The following DIXDC1 variants were observed in gnomAD, a reference collection of about 807,000 sequenced individuals.
DIXDC1 encodes dixin.
In DIXDC1, 64 loss-of-function variants were observed where a neutral mutation model predicts 103.1. The observed-to-expected ratio is 0.62, with a 90% CI of 0.51 to 0.76. The LOEUF (loss-of-function observed/expected upper bound fraction) is 0.76, where lower values mean the gene tolerates loss of function less well. Ranked by LOEUF, DIXDC1 falls within the 30% of genes least tolerant of loss-of-function variation. The pLI is 0.00. For synonymous variants in DIXDC1, 266 were observed against 298.5 expected (o/e 0.89, Z 1.12); for missense variants, 759 against 834.2 (o/e 0.91, Z 1.11).
intron 17 of DIXDC1, among the ~76,000 whole-genome samples, chr11:112,005,550 T>G (rs1861208645): frequency 6.6e-6 from 1 of 151,876 alleles, no homozygotes; most frequent in African/African-American, 2.4e-5. Context: ...TAAAAAAAAT[T>G]AGCCAGGTGT....
At chr11:111,960,573 G>T (rs1345363982) in intron 1 of DIXDC1, among the ~76,000 whole-genome samples, 1 of 145,072 alleles carries the variant, frequency 6.9e-6, no homozygotes, top group African/African-American at 2.6e-5. Flanking sequence ...CAGCCTGGGA[G>T]ACAAGAGTGA....
At chr11:111,990,164 T>C (rs923367045) in intron 10 of DIXDC1, among the ~76,000 whole-genome samples, 9 of 138,958 alleles carry the variant, frequency 6.5e-5, no homozygotes, top group Admixed American at 2.9e-4. Flanking sequence ...GATCTTGGCT[T>C]ACTGCAATCT....
At chr11:112,007,670 A>C (rs782548297) in intron 17 of DIXDC1, among the ~76,000 whole-genome samples, 1 of 152,206 alleles carries the variant, frequency 6.6e-6, no homozygotes, top group Non-Finnish European at 1.5e-5. Flanking sequence ...CTTAAAGAAA[A>C]GAGTTTTCAA....
At chr11:111,988,933 C>T (rs782733864) in intron 9 of DIXDC1, 72 bp from the exon 10 acceptor site, 23 of 1,342,630 alleles carry the variant, frequency 1.7e-5, no homozygotes, top group East Asian at 7.2e-5. Flanking sequence ...GTCCTCTTGC[C>T]GACAGAATGA....
At chr11:112,006,366 G>A (rs1861238513) in intron 17 of DIXDC1, among the ~76,000 whole-genome samples, 1 of 152,234 alleles carries the variant, frequency 6.6e-6, no homozygotes, top group Non-Finnish European at 1.5e-5. Context: ...GGGCATAGCT[G>A]AACAAAAGGC....
At position 111,977,585 on chromosome 11, in the gene DIXDC1, G is replaced by A. The variant is rs1860153751; in HGVS notation, c.656+2602G>A. On this transcript the variant is annotated intron_variant, in intron 5 of 19. Coordinates refer to ENST00000440460, the MANE Select transcript of DIXDC1 (RefSeq NM_001037954.4). The surrounding 1 kb of genome is among the most constrained non-coding windows in gnomAD (Gnocchi z 6.1). ...TCCCAGTCGCTGGGGCCGAGACGCC[G>A]CCGCCGCCGCCGTTCCCGCTTTCTC... 1 of 1,501,006 alleles carries A rather than the reference G, an allele frequency of 6.7e-7. No individual in the cohort carries two copies. Among genetic ancestry groups the A allele is most frequent in the Non-Finnish European group, 8.9e-7 (1 of 1,123,912 alleles). The allele number at this position is 1,501,006 out of a possible 1,614,324, so 93.0% of individuals were successfully genotyped here.
intron 17 of DIXDC1, among the ~76,000 whole-genome samples, chr11:111,996,525 G>T (rs1860905405): frequency 6.6e-6 from 1 of 152,158 alleles, no homozygotes; most frequent in African/African-American, 2.4e-5. Context: ...TTGAAGCAAG[G>T]CGTTTAATTT....
At chr11:111,951,312 A>G (rs1418780513) in intron 1 of DIXDC1, among the ~76,000 whole-genome samples, 1 of 152,208 alleles carries the variant, frequency 6.6e-6, no homozygotes, top group Non-Finnish European at 1.5e-5. Flanking sequence ...TCTCATGGGT[A>G]ATTCTACTAA....
intron 1 of DIXDC1, among the ~76,000 whole-genome samples, chr11:111,951,418 T>TTTTG (rs1555169968): frequency 2.6e-5 from 4 of 152,246 alleles, no homozygotes; most frequent in African/African-American, 9.6e-5. Context: ...ACTGTATACC[T>TTTTG]ATAAAAATCA....
intron 1 of DIXDC1, among the ~76,000 whole-genome samples, chr11:111,938,448 T>C (rs1352902104): frequency 2.0e-5 from 3 of 152,200 alleles, no homozygotes; most frequent in Non-Finnish European, 4.4e-5. Context: ...CTCCTTTTCC[T>C]TCCATCTCTC....
At chr11:111,978,889 A>T (rs781914622) in intron 5 of DIXDC1, among the ~76,000 whole-genome samples, 1 of 152,222 alleles carries the variant, frequency 6.6e-6, no homozygotes, top group African/African-American at 2.4e-5. Flanking sequence ...GCACAAATCT[A>T]TTCTCCTTGT....
At position 111,974,933 on chromosome 11, in the gene DIXDC1, G is replaced by A. The variant is rs587624326; in HGVS notation, c.606G>A (p.Val202=). The change falls in exon 5 of 20, where the codon GTG becomes GTA. Residue 202 remains valine (V), a synonymous_variant. Coordinates refer to ENST00000440460, the MANE Select transcript of DIXDC1 (RefSeq NM_001037954.4). ...CATACTGGAGTGTGCGGGCCCTAGT[G>A]CAGCAGTACGAAGGGCAACAAAGGT... is the stretch of plus-strand genomic sequence containing the variant. ...ENPYWSVRAL[V]QQYEGQQRSP... is the part of the protein sequence containing the mutation. 30 of 1,613,608 alleles carry A rather than the reference G, an allele frequency of 1.9e-5. No homozygotes were observed. In the African/African-American group the frequency reaches 3.2e-4, roughly 17 times the overall value.
chr11:111,980,156 C>T (rs1322373606), intron 5 of DIXDC1, among the ~76,000 whole-genome samples: 1 of 152,134 alleles, frequency 6.6e-6, no homozygotes, highest in African/African-American at 2.4e-5. Flanking sequence ...GATATATAAC[C>T]GCTCCTCTGC....
At chr11:111,950,299 T>G (rs1555169770) in intron 1 of DIXDC1, among the ~76,000 whole-genome samples, 1 of 150,720 alleles carries the variant, frequency 6.6e-6, no homozygotes, top group African/African-American at 2.4e-5. Flanking sequence ...GTATCTGGTT[T>G]TATACCTAGA....
chr11:111,964,480 C>T, intron 1 of DIXDC1, 69 bp from the exon 2 acceptor site: 2 of 1,536,852 alleles, frequency 1.3e-6, no homozygotes, highest in Non-Finnish European at 1.8e-6. Context: ...AACGCTTCCT[C>T]AGAGGGTATG....
intron 1 of DIXDC1, among the ~76,000 whole-genome samples, chr11:111,953,030 A>G (rs1966845185): frequency 6.6e-6 from 1 of 152,172 alleles, no homozygotes; most frequent in Admixed American, 6.6e-5. Context: ...GCAGATTTCT[A>G]TAAACCACTT....
intron 17 of DIXDC1, among the ~76,000 whole-genome samples, chr11:112,000,120 G>T (rs1861021770): frequency 6.6e-6 from 1 of 151,932 alleles, no homozygotes; most frequent in Non-Finnish European, 1.5e-5. Context: ...AGGCTACAGA[G>T]GGAGACTTCG....
chr11:111,985,157 A>G (rs587623716), intron 7 of DIXDC1, 75 bp from the exon 8 acceptor site: 4 of 1,185,898 alleles, frequency 3.4e-6, no homozygotes, highest in Non-Finnish European at 4.9e-6. Context: ...ACTTGGGGTG[A>G]GCTTACCAAG....
chr11:111,968,232 G>A (rs1859801610), intron 2 of DIXDC1, among the ~76,000 whole-genome samples: 1 of 152,136 alleles, frequency 6.6e-6, no homozygotes, highest in South Asian at 2.1e-4. Flanking sequence ...CCAGAATAGT[G>A]AGTACTTGCC....
Sources: gnomAD v4.1 joint callset for allele counts (sites outside exome capture counted in the v4.1 genomes callset) on GRCh38, gnomAD v4.1.1 for gene constraint, Gnocchi (gnomAD v3.1) non-coding constraint, MANE v1.5 for transcripts, NCBI Gene and HGNC (gene_info 2026-07-23, HGNC 2026-07-21) for gene names.